The following CAP2 variants were observed in gnomAD, a reference collection of about 807,000 sequenced individuals.
CAP2 encodes cyclase associated actin cytoskeleton regulatory protein 2.
A neutral mutation model predicts 57.7 loss-of-function variants in CAP2; 24 were observed. The observed-to-expected ratio is 0.42, with a 90% CI of 0.30 to 0.58. The LOEUF (loss-of-function observed/expected upper bound fraction) is 0.58. Among genes scored for constraint, CAP2 ranks in the 20% least tolerant of loss-of-function variants. CAP2 has a pLI of 0.22. For missense variants in CAP2, 501 were observed against 590.3 expected (o/e 0.85, Z 1.57); for synonymous variants, 194 against 207.2 (o/e 0.94, Z 0.55).
chr6:17,396,401 G>A (rs1300680638), intron 1 of CAP2, among the ~76,000 whole-genome samples: 1 of 152,168 alleles, frequency 6.6e-6, no homozygotes, highest in Non-Finnish European at 1.5e-5. Flanking sequence ...CAAACCAAAT[G>A]ACTATCAGTT....
At chr6:17,545,470 A>T (rs950806789) in intron 11 of CAP2, among the ~76,000 whole-genome samples, 5 of 152,320 alleles carry the variant, frequency 3.3e-5, no homozygotes, top group African/African-American at 1.2e-4. Context: ...AAACAGAGGA[A>T]ATTTTCAAAC....
chr6:17,462,410 A>G (rs1206355569), intron 3 of CAP2, among the ~76,000 whole-genome samples: 6 of 152,064 alleles, frequency 3.9e-5, no homozygotes, highest in African/African-American at 1.2e-4. Context: ...TTATTGAAAT[A>G]TAATTCACAT....
chr6:17,482,288 T>G (rs1357745576), intron 4 of CAP2, among the ~76,000 whole-genome samples: 1 of 152,056 alleles, frequency 6.6e-6, no homozygotes, highest in Non-Finnish European at 1.5e-5. Flanking sequence ...GCACATGATC[T>G]GGCCGAGGTG....
intron 4 of CAP2, among the ~76,000 whole-genome samples, chr6:17,501,818 C>T (rs1365943741): frequency 1.3e-5 from 2 of 152,202 alleles, no homozygotes; most frequent in African/African-American, 4.8e-5. Context: ...TCCTAAAATA[C>T]TCTTCCAAAG....
chr6:17,479,722 C>T (rs1761240256), intron 4 of CAP2, among the ~76,000 whole-genome samples: 1 of 150,958 alleles, frequency 6.6e-6, no homozygotes, highest in South Asian at 2.1e-4. Context: ...CGCCATTCTC[C>T]TGCCTCAGCC....
intron 1 of CAP2, among the ~76,000 whole-genome samples, chr6:17,404,770 C>CAAAA (rs554588058): frequency 1.7e-5 from 1 of 57,204 alleles, no homozygotes; most frequent in African/African-American, 6.3e-5. Flanking sequence ...GACTCCATCT[C>CAAAA]AAAAAAAAAA....
At chr6:17,400,290 T>A (rs1426258589) in intron 1 of CAP2, among the ~76,000 whole-genome samples, 1 of 152,106 alleles carries the variant, frequency 6.6e-6, no homozygotes, top group Non-Finnish European at 1.5e-5. Flanking sequence ...TGTTGTCCTA[T>A]TATTATGCAC....
chr6:17,400,579 C>G (rs1758784327), intron 1 of CAP2, among the ~76,000 whole-genome samples: 1 of 151,890 alleles, frequency 6.6e-6, no homozygotes, highest in East Asian at 1.9e-4. Context: ...TCACTGGATT[C>G]TTGGCCGGGC....
intron 3 of CAP2, among the ~76,000 whole-genome samples, chr6:17,432,967 C>T (rs1387541121): frequency 2.0e-5 from 3 of 146,912 alleles, no homozygotes; most frequent in East Asian, 4.0e-4. Flanking sequence ...CTCTCTCCCC[C>T]CTCCCTCCCT....
intron 7 of CAP2, chr6:17,536,114 C>T (rs906370345): frequency 5.2e-5 from 23 of 440,446 alleles, no homozygotes; most frequent in African/African-American, 3.0e-4. Context: ...TGAGCCTCCG[C>T]GCCCAGCCTT....
intron 12 of CAP2, among the ~76,000 whole-genome samples, chr6:17,555,572 A>G (rs1405260091): frequency 6.9e-6 from 1 of 145,400 alleles, no homozygotes; most frequent in Non-Finnish European, 1.5e-5. Context: ...ATTTTATTTT[A>G]TTTTTTGGAG....
At chr6:17,463,336 T>C (rs1418172135) in intron 4 of CAP2, among the ~76,000 whole-genome samples, 1 of 152,106 alleles carries the variant, frequency 6.6e-6, no homozygotes, top group Non-Finnish European at 1.5e-5. Context: ...GTCTTCTTAC[T>C]ACTAATATAT....
chr6:17,501,831 C>T (rs773220588), intron 4 of CAP2, among the ~76,000 whole-genome samples: 2 of 152,174 alleles, frequency 1.3e-5, no homozygotes, highest in Non-Finnish European at 1.5e-5. Context: ...TTCCAAAGTA[C>T]AGTCGCATCC....
intron 4 of CAP2, among the ~76,000 whole-genome samples, chr6:17,467,902 A>G (rs577795634): frequency 9.5e-4 from 144 of 152,170 alleles, no homozygotes; most frequent in African/African-American, 3.3e-3. Flanking sequence ...GGCCTTATTC[A>G]TTCTTTCTAA....
intron 1 of CAP2, among the ~76,000 whole-genome samples, chr6:17,417,855 C>A (rs987477483): frequency 6.6e-6 from 1 of 152,068 alleles, no homozygotes; most frequent in Non-Finnish European, 1.5e-5. Context: ...TTGCTGTATC[C>A]CCCTATTCTG....
intron 1 of CAP2, among the ~76,000 whole-genome samples, chr6:17,398,416 T>G (rs1441876210): frequency 4.6e-5 from 7 of 152,130 alleles, no homozygotes; most frequent in African/African-American, 1.7e-4. Flanking sequence ...TCAGGATATT[T>G]CTCCTTGAAC....
At chr6:17,515,895 C>T (rs1032687198) in intron 7 of CAP2, among the ~76,000 whole-genome samples, 4 of 152,170 alleles carry the variant, frequency 2.6e-5, no homozygotes, top group African/African-American at 7.2e-5. Context: ...CATGTCTCAC[C>T]GTGTGTTCCA....
chr6:17,487,760 C>A (rs553592933), intron 4 of CAP2, among the ~76,000 whole-genome samples: 1 of 152,124 alleles, frequency 6.6e-6, no homozygotes, highest in Non-Finnish European at 1.5e-5. Flanking sequence ...CATGAGCCAC[C>A]GCACCTGGCC....
intron 1 of CAP2, among the ~76,000 whole-genome samples, chr6:17,418,848 G>C (rs756946652): frequency 6.6e-6 from 1 of 152,146 alleles, no homozygotes; most frequent in Admixed American, 6.5e-5. Context: ...AGAGGATTAC[G>C]TAAAGGATTC....
Sources: gnomAD v4.1 joint callset for allele counts (sites outside exome capture counted in the v4.1 genomes callset) on GRCh38, gnomAD v4.1.1 for gene constraint, MANE v1.5 for transcripts, NCBI Gene and HGNC (gene_info 2026-07-23, HGNC 2026-07-21) for gene names.